BABAM2: variants seen among roughly 807,000 people sequenced by gnomAD.
BABAM2 encodes BRISC and BRCA1-A complex member 2.
A neutral mutation model predicts 54.7 loss-of-function variants in BABAM2; 31 were observed. The observed-to-expected ratio is 0.57, with a 90% CI of 0.43 to 0.77. BABAM2 has a LOEUF of 0.77. Among genes scored for constraint, BABAM2 ranks in the 30% least tolerant of loss-of-function variants. BABAM2 has a pLI of 0.00. For synonymous variants in BABAM2, 167 were observed against 162.9 expected (o/e 1.03, Z -0.19); for missense variants, 364 against 455.8 (o/e 0.80, Z 1.83).
At chr2:28,200,871 C>T (rs915962400) in intron 7 of BABAM2, among the ~76,000 whole-genome samples, 1 of 152,104 alleles carries the variant, frequency 6.6e-6, no homozygotes, top group African/African-American at 2.4e-5. Context: ...TGGGTTCAGG[C>T]GATTCTCCTG....
At chr2:28,015,925 G>T (rs1401970792) in intron 4 of BABAM2, 25 of 585,600 alleles carry the variant, frequency 4.3e-5, no homozygotes, top group Non-Finnish European at 6.8e-5. Flanking sequence ...AGATGATAAA[G>T]GTTTATCTTC....
At chr2:28,056,944 C>T (rs1190755520) in intron 6 of BABAM2, among the ~76,000 whole-genome samples, 3 of 152,148 alleles carry the variant, frequency 2.0e-5, no homozygotes, top group Admixed American at 1.3e-4. Context: ...CTATATTTTC[C>T]TCATAAGTCT....
At chr2:27,905,683 C>T (rs1348787060) in intron 2 of BABAM2, among the ~76,000 whole-genome samples, 1 of 152,072 alleles carries the variant, frequency 6.6e-6, no homozygotes, top group Non-Finnish European at 1.5e-5. Context: ...AGCAGTATAA[C>T]AGGAACTATT....
chr2:28,129,428 A>G (rs760189657), intron 7 of BABAM2, 48 bp downstream of exon 7: 1 of 1,438,220 alleles, frequency 7.0e-7, no homozygotes. Flanking sequence ...CTTGCTAACC[A>G]ATATGTCTCA....
chr2:28,067,434 G>A (rs749648171), intron 6 of BABAM2, among the ~76,000 whole-genome samples: 7 of 152,092 alleles, frequency 4.6e-5, no homozygotes, highest in Non-Finnish European at 1.0e-4. Context: ...TCTTGATTTT[G>A]TGTCTTCCTC....
At chr2:28,030,774 A>G (rs1015597392) in intron 5 of BABAM2, among the ~76,000 whole-genome samples, 1 of 152,280 alleles carries the variant, frequency 6.6e-6, no homozygotes, top group Admixed American at 6.5e-5. Context: ...AGGACAACAC[A>G]GACTTATTAT....
chr2:28,120,029 C>G (rs1409435741), intron 6 of BABAM2, among the ~76,000 whole-genome samples: 2 of 152,120 alleles, frequency 1.3e-5, no homozygotes, highest in Non-Finnish European at 2.9e-5. Context: ...CTCAGAGAAG[C>G]CATTCTCCTT....
At chr2:28,197,731 A>G (rs1677766419) in intron 7 of BABAM2, among the ~76,000 whole-genome samples, 1 of 152,202 alleles carries the variant, frequency 6.6e-6, no homozygotes, top group South Asian at 2.1e-4. Context: ...TTCTCCCAGT[A>G]TGTATGACTC....
At chr2:28,027,651 A>G (rs1675971357) in intron 5 of BABAM2, among the ~76,000 whole-genome samples, 1 of 152,110 alleles carries the variant, frequency 6.6e-6, no homozygotes, top group Non-Finnish European at 1.5e-5. Context: ...ATTTCTTTTT[A>G]TGGCTGAATA....
chr2:28,236,407 G>A (rs1478643959), intron 7 of BABAM2, among the ~76,000 whole-genome samples: 4 of 144,146 alleles, frequency 2.8e-5, no homozygotes, highest in Non-Finnish European at 4.5e-5. Context: ...TGTATCGCCC[G>A]TGCTGGAGTG....
At chr2:28,139,093 G>T (rs1670798635) in intron 7 of BABAM2, among the ~76,000 whole-genome samples, 1 of 152,000 alleles carries the variant, frequency 6.6e-6, no homozygotes, top group African/African-American at 2.4e-5. Flanking sequence ...AGGTACTCCT[G>T]GGAATTATTC....
intron 2 of BABAM2, among the ~76,000 whole-genome samples, chr2:27,898,575 T>C (rs924901896): frequency 6.6e-6 from 1 of 152,268 alleles, no homozygotes; most frequent in South Asian, 2.1e-4. Flanking sequence ...ATAAACAAAT[T>C]TGGCATATCA....
intron 6 of BABAM2, among the ~76,000 whole-genome samples, chr2:28,068,061 A>T (rs1271591521): frequency 2.6e-5 from 4 of 152,050 alleles, no homozygotes; most frequent in African/African-American, 9.7e-5. Flanking sequence ...TTAAAGAAAC[A>T]CTGTGATCCA....
intron 6 of BABAM2, among the ~76,000 whole-genome samples, chr2:28,058,914 C>T (rs780158852): frequency 5.9e-5 from 9 of 152,252 alleles, no homozygotes; most frequent in Middle Eastern, 3.4e-3. Context: ...CAAACAACAA[C>T]GGCTCCTTCA....
At chr2:27,955,864 T>C (rs1204164697) in intron 3 of BABAM2, among the ~76,000 whole-genome samples, 2 of 152,212 alleles carry the variant, frequency 1.3e-5, no homozygotes, top group African/African-American at 2.4e-5. Context: ...AAAATAAAAG[T>C]ATCGTTTTAG....
chr2:28,216,404 C>G (rs543936438), intron 7 of BABAM2, among the ~76,000 whole-genome samples: 2 of 152,306 alleles, frequency 1.3e-5, no homozygotes, highest in South Asian at 4.1e-4. Context: ...AATGTTCCAA[C>G]TGGTAGAGGA....
intron 6 of BABAM2, among the ~76,000 whole-genome samples, chr2:28,048,537 T>G (rs1211539105): frequency 6.6e-6 from 1 of 152,210 alleles, no homozygotes; most frequent in East Asian, 1.9e-4. Flanking sequence ...TGCAGGTGGT[T>G]GAAATCCAGC....
At chr2:27,956,276 T>G (rs1278718256) in intron 3 of BABAM2, among the ~76,000 whole-genome samples, 3 of 152,096 alleles carry the variant, frequency 2.0e-5, no homozygotes, top group African/African-American at 4.8e-5. Context: ...TATAGAAAAA[T>G]AGTAAACTTT....
chr2:28,197,421 C>T (rs1455482110), intron 7 of BABAM2, among the ~76,000 whole-genome samples: 1 of 152,184 alleles, frequency 6.6e-6, no homozygotes, highest in Non-Finnish European at 1.5e-5. Context: ...TTGTGCTTTG[C>T]AAGTGCTCAA....
Sources: allele counts gnomAD v4.1 joint callset (sites outside exome capture counted in the v4.1 genomes callset), GRCh38; gene constraint gnomAD v4.1.1; transcripts MANE v1.5; gene names NCBI Gene and HGNC (gene_info 2026-07-23, HGNC 2026-07-21).